ASAP2: variants seen among roughly 807,000 people sequenced by gnomAD.
The protein encoded by ASAP2 is arf-GAP with SH3 domain, ANK repeat and PH domain-containing protein 2.
A neutral mutation model predicts 131.4 loss-of-function variants in ASAP2; 45 were observed. That is an observed-to-expected ratio of 0.34 (90% CI 0.27 to 0.44). The LOEUF (loss-of-function observed/expected upper bound fraction) is 0.44. Among genes scored for constraint, ASAP2 ranks in the 20% least tolerant of loss-of-function variants. The probability of loss-of-function intolerance (pLI) is 1.00; values close to 1 mark genes in which losing one functional copy is unlikely to be tolerated. For synonymous variants in ASAP2, 510 were observed against 503.0 expected (o/e 1.01, Z -0.19); for missense variants, 1,011 against 1,297.0 (o/e 0.78, Z 3.39).
rs936285217 is a variant in ASAP2, at chr2:9,261,666, T to C, written c.127-17651T>C. On this transcript the variant is annotated intron_variant, in intron 1 of 27. Transcript: ENST00000281419. The stretch of plus-strand genomic sequence containing the variant: ...TTTGGGAGCTTTGGAGGTTGCCCAG[T>C]GCTGCCCCCAACCTTTAACAGTGTG... Among the ~76,000 whole-genome samples the C allele has an allele frequency of 3.9e-5, 6 of 152,352 alleles. No homozygotes were observed. The East Asian group carries it at 1.2e-3, about 29-fold the overall frequency.
At chr2:9,289,650 G>A (rs1330990132) in intron 2 of ASAP2, among the ~76,000 whole-genome samples, 1 of 152,148 alleles carries the variant, frequency 6.6e-6, no homozygotes, top group Non-Finnish European at 1.5e-5. Context: ...TCATTGGGGT[G>A]ACGTTTAGTT....
chr2:9,358,818 C>T lies in ASAP2; in HGVS notation c.1390C>T (p.Arg464Ter), dbSNP rs771393279. 5 of 1,613,724 alleles carry T rather than the reference C, an allele frequency of 3.1e-6. No homozygotes were observed. Among genetic ancestry groups the T allele is most frequent in the Admixed American group, 1.7e-5 (1 of 59,972 alleles). Residue 464 changes from arginine to a stop codon, truncating the protein, a stop_gained, in exon 15 of 28, where the codon CGA becomes TGA. Transcript: ENST00000281419. LOFTEE classifies it high-confidence loss of function. The stretch of plus-strand genomic sequence containing the variant: ...CTGCATCGAGTGTTCCGGAATCCAC[C>T]GAGAGCTGGGGGTTCATTATTCCAG... ...LTCIECSGIHRELGVHYSRMQ... is the reference protein window; with the variant it reads ...LTCIECSGIH
chr2:9,353,012 A>G (rs1462380201), intron 12 of ASAP2, among the ~76,000 whole-genome samples: 1 of 152,166 alleles, frequency 6.6e-6, no homozygotes, highest in Non-Finnish European at 1.5e-5. Context: ...ATCTGTAGTG[A>G]AAATGGTTTG....
intron 26 of ASAP2, 75 bp from the exon 27 acceptor site, chr2:9,401,199 C>A: frequency 1.3e-6 from 2 of 1,575,992 alleles, no homozygotes; most frequent in Non-Finnish European, 1.7e-6. Context: ...CCGGGGAAGG[C>A]AGGGTGCTTG....
At chr2:9,300,094 G>A (rs1373927650) in intron 3 of ASAP2, among the ~76,000 whole-genome samples, 3 of 152,190 alleles carry the variant, frequency 2.0e-5, no homozygotes, top group Non-Finnish European at 4.4e-5. Context: ...TTAGCCAGGC[G>A]TGGTGGCTCA....
At chr2:9,225,651 G>T (rs561939162) in intron 1 of ASAP2, among the ~76,000 whole-genome samples, 2 of 152,232 alleles carry the variant, frequency 1.3e-5, no homozygotes, top group South Asian at 4.2e-4. Flanking sequence ...GAGCATAGCT[G>T]GGCTTAGGAA....
At chr2:9,375,100 T>C (rs1572579917) in intron 17 of ASAP2, among the ~76,000 whole-genome samples, 156 bp downstream of exon 17, 1 of 117,952 alleles carries the variant, frequency 8.5e-6, no homozygotes, top group African/African-American at 3.7e-5. Flanking sequence ...GGAGGCCCCA[T>C]CTCTACAAAA....
intron 26 of ASAP2, 47 bp downstream of exon 26, chr2:9,400,877 G>C (rs771056918): frequency 1.3e-6 from 2 of 1,569,642 alleles, no homozygotes; most frequent in East Asian, 2.2e-5. Flanking sequence ...AGCCAGGGGG[G>C]TGCAGGTGGT....
chr2:9,320,377 G>C, intron 5 of ASAP2, 40 bp downstream of exon 5: 1 of 1,543,478 alleles, frequency 6.5e-7, no homozygotes, highest in Non-Finnish European at 8.9e-7. Flanking sequence ...TAGGTAATTT[G>C]GGATTTCAAA....
intron 1 of ASAP2, among the ~76,000 whole-genome samples, chr2:9,247,897 G>GC (rs1558263909): frequency 1.3e-5 from 2 of 152,076 alleles, no homozygotes; most frequent in Non-Finnish European, 2.9e-5. Flanking sequence ...CTCCTCCTCT[G>GC]CCCCCCACAC....
intron 23 of ASAP2, 39 bp from the exon 24 acceptor site, chr2:9,393,443 G>A: frequency 5.2e-6 from 8 of 1,544,000 alleles, no homozygotes; most frequent in East Asian, 2.4e-5. Context: ...GGGAAGCCTG[G>A]CGGCTGACCC....
intron 1 of ASAP2, among the ~76,000 whole-genome samples, chr2:9,210,024 G>A (rs1022229147): frequency 1.3e-5 from 2 of 152,208 alleles, no homozygotes; most frequent in Non-Finnish European, 2.9e-5. Flanking sequence ...CCCTTATCCT[G>A]TACTATGAAA....
intron 2 of ASAP2, among the ~76,000 whole-genome samples, chr2:9,294,788 C>A (rs1023247710): frequency 5.9e-5 from 9 of 152,266 alleles, no homozygotes; most frequent in African/African-American, 2.2e-4. Context: ...GCATTCATTG[C>A]CCAGCACCGT....
At chr2:9,387,074 TG>T (rs34753836) in intron 21 of ASAP2, among the ~76,000 whole-genome samples, 14,286 of 95,810 alleles carry the variant, frequency 0.15, 2,147 homozygotes, top group African/African-American at 0.41. Flanking sequence ...GGCTTGGTGG[TG>T]GGTGGGGGGG....
At chr2:9,302,745 G>A (rs1253770547) in intron 3 of ASAP2, among the ~76,000 whole-genome samples, 1 of 152,080 alleles carries the variant, frequency 6.6e-6, no homozygotes, top group Non-Finnish European at 1.5e-5. Flanking sequence ...AAAGTACTGG[G>A]ATTACAGGTG....
chr2:9,380,845 G>T (rs770638159), intron 20 of ASAP2, 37 bp downstream of exon 20: 5 of 1,604,282 alleles, frequency 3.1e-6, no homozygotes, highest in Non-Finnish European at 8.5e-7. Context: ...TGGGGCACCT[G>T]TCACGGGACA....
At chr2:9,278,781 A>G (rs1390079151) in intron 1 of ASAP2, among the ~76,000 whole-genome samples, 1 of 152,212 alleles carries the variant, frequency 6.6e-6, no homozygotes, top group African/African-American at 2.4e-5. Context: ...TTTCTGGAGA[A>G]GAAATCTGAG....
intron 3 of ASAP2, among the ~76,000 whole-genome samples, chr2:9,302,159 A>G (rs888075145): frequency 1.7e-4 from 14 of 84,344 alleles, no homozygotes; most frequent in African/African-American, 3.4e-4. Context: ...AGATGATGTG[A>G]GTTAGAAGCC....
At chr2:9,383,246 G>A (rs563278645) in intron 20 of ASAP2, among the ~76,000 whole-genome samples, 28 of 152,032 alleles carry the variant, frequency 1.8e-4, no homozygotes, top group African/African-American at 5.3e-4. Flanking sequence ...CACAAGTATC[G>A]TGGCCTCTGG....
Sources: gnomAD v4.1 joint callset for allele counts (sites outside exome capture counted in the v4.1 genomes callset) on GRCh38, gnomAD v4.1.1 for gene constraint, MANE v1.5 for transcripts, NCBI Gene and HGNC (gene_info 2026-07-23, HGNC 2026-07-21) for gene names.